PBRM1: variants seen among roughly 807,000 people sequenced by gnomAD.
PBRM1 encodes protein polybromo-1.
In PBRM1, 27 loss-of-function variants were observed where a neutral mutation model predicts 194.5. The observed-to-expected ratio is 0.14, with a 90% CI of 0.10 to 0.19. The LOEUF is 0.19. PBRM1 is among the 10% of genes least tolerant of loss of function. PBRM1 has a pLI of 1.00. For synonymous variants in PBRM1, 655 were observed against 693.2 expected, an observed-to-expected ratio of 0.94 and a Z score of 0.87; for missense variants, 1,466 against 2,077.2, an observed-to-expected ratio of 0.71 and a Z score of 5.72.
intron 19 of PBRM1, 39 bp from the exon 22 acceptor site, chr3:52,586,727 G>A: frequency 1.7e-6 from 1 of 605,106 alleles, no homozygotes; most frequent in East Asian, 3.6e-5. Flanking sequence ...AACTAGTTAG[G>A]TGAATTTTCT....
chr3:52,569,979 T>G (rs1426031511), intron 22 of PBRM1, among the ~76,000 whole-genome samples: 1 of 152,222 alleles, frequency 6.6e-6, no homozygotes, highest in African/African-American at 2.4e-5. Flanking sequence ...TTTCTTTTTT[T>G]GTTTTTTGTT....
At chr3:52,580,385 G>A (rs777580870) in intron 20 of PBRM1, among the ~76,000 whole-genome samples, 1 of 151,878 alleles carries the variant, frequency 6.6e-6, no homozygotes, top group Non-Finnish European at 1.5e-5. Context: ...TTGAGACATA[G>A]TCTCCCTCTG....
At chr3:52,655,364 T>C (rs1370116086) in intron 5 of PBRM1, among the ~76,000 whole-genome samples, 1 of 152,204 alleles carries the variant, frequency 6.6e-6, no homozygotes, top group Non-Finnish European at 1.5e-5. Flanking sequence ...TTGCTTAAAA[T>C]AATGTCTTTA....
upstream of PBRM1, chr3:52,681,864 A>C (rs2097210024): frequency 4.8e-6 from 1 of 209,974 alleles, no homozygotes; most frequent in African/African-American, 2.3e-5. Flanking sequence ...ATAGAAAAGA[A>C]GGGTCAGAAG....
At chr3:52,550,321 GA>G in intron 29 of PBRM1, 99 bp downstream of exon 31, 1 of 461,738 alleles carries the variant, frequency 2.2e-6, no homozygotes, top group Non-Finnish European at 3.7e-6. Context: ...AATTGTATAA[GA>G]AAAAGGGGTG....
intron 17 of PBRM1, among the ~76,000 whole-genome samples, chr3:52,590,482 C>T (rs1258050931): frequency 6.6e-6 from 1 of 151,878 alleles, no homozygotes; most frequent in East Asian, 1.9e-4. Flanking sequence ...AGTTCCAGTA[C>T]AAGCTATCGT....
chr3:52,635,942 C>T (rs1345335198), intron 10 of PBRM1, among the ~76,000 whole-genome samples: 2 of 152,176 alleles, frequency 1.3e-5, no homozygotes, highest in African/African-American at 4.8e-5. Flanking sequence ...TGGCTCACTG[C>T]AACCTCCGCC....
At chr3:52,630,257 T>G in intron 11 of PBRM1, among the ~76,000 whole-genome samples, 1 of 152,032 alleles carries the variant, frequency 6.6e-6, no homozygotes, top group East Asian at 1.9e-4. Context: ...CAGCAGAAGG[T>G]AGCATATGGA....
At chr3:52,567,221 A>T (rs536018837) in intron 22 of PBRM1, among the ~76,000 whole-genome samples, 1 of 152,294 alleles carries the variant, frequency 6.6e-6, no homozygotes, top group African/African-American at 2.4e-5. Flanking sequence ...GGCTTGTATG[A>T]ATGTACTAAG....
intron 2 of PBRM1, among the ~76,000 whole-genome samples, chr3:52,677,373 A>T (rs979182749): frequency 1.3e-5 from 2 of 148,176 alleles, no homozygotes. Context: ...CCTCCCAAGT[A>T]GCTGGGATTA....
intron 13 of PBRM1, among the ~76,000 whole-genome samples, chr3:52,622,457 G>C (rs1360554161): frequency 2.0e-5 from 3 of 152,124 alleles, no homozygotes; most frequent in African/African-American, 7.2e-5. Context: ...GGACATAAAG[G>C]GTCCTGTGCT....
intron 9 of PBRM1, among the ~76,000 whole-genome samples, chr3:52,642,608 C>CAAAA (rs201394004): frequency 3.1e-5 from 3 of 97,518 alleles, no homozygotes; most frequent in South Asian, 4.1e-4. Context: ...AACTTCGTCT[C>CAAAA]AAAAAAAAAA....
intron 7 of PBRM1, 136 bp from the exon 9 acceptor site, chr3:52,644,925 G>T: frequency 2.1e-6 from 1 of 472,094 alleles, no homozygotes; most frequent in Non-Finnish European, 3.8e-6. Flanking sequence ...CCACAAAGCT[G>T]CATCCTCCAA....
intron 5 of PBRM1, among the ~76,000 whole-genome samples, chr3:52,653,678 G>A (rs1368151486): frequency 2.6e-5 from 4 of 151,934 alleles, no homozygotes; most frequent in African/African-American, 4.8e-5. Context: ...TCGGGAGGCC[G>A]AGACGGGCAG....
At chr3:52,586,716 A>C in intron 19 of PBRM1, 28 bp from the exon 22 acceptor site, 1 of 1,278,248 alleles carries the variant, frequency 7.8e-7, no homozygotes, top group Middle Eastern at 2.0e-4. Context: ...CATAAGAATA[A>C]AACTAGTTAG....
At chr3:52,600,818 T>C (rs2093938461) in intron 17 of PBRM1, among the ~76,000 whole-genome samples, 1 of 152,148 alleles carries the variant, frequency 6.6e-6, no homozygotes, top group Admixed American at 6.5e-5. Context: ...TTTGTATTTT[T>C]AGTAGAGACA....
At chr3:52,637,019 G>A (rs1465155018) in intron 10 of PBRM1, among the ~76,000 whole-genome samples, 1 of 152,048 alleles carries the variant, frequency 6.6e-6, no homozygotes, top group Non-Finnish European at 1.5e-5. Flanking sequence ...ACCACATAAA[G>A]CAGTTGAAGG....
At position 52,637,687 on chromosome 3, in the gene PBRM1, G is replaced by A. The variant is rs894115841; in HGVS notation, c.1088-2872C>T. 4.7e-5 allele frequency among the ~76,000 whole-genome samples: 7 copies of A among 150,356 alleles called. No individual in the cohort carries two copies. In the East Asian group the frequency reaches 1.2e-3, roughly 25 times the overall value. On this transcript the variant is annotated intron_variant, in intron 10 of 29. Coordinates refer to ENST00000296302, the Ensembl canonical transcript of PBRM1. ...TCATGCTTGTAATCCTAGCACTTTG[G>A]GAGGCTGAGGCGGGCGGATCATTTG... is the stretch of plus-strand genomic sequence containing the variant.
chr3:52,582,626 C>T (rs1195722320), intron 20 of PBRM1, among the ~76,000 whole-genome samples: 5 of 151,760 alleles, frequency 3.3e-5, no homozygotes, highest in African/African-American at 7.3e-5. Context: ...TGCACCCGAC[C>T]GGATAATTCT....
Sources: allele counts gnomAD v4.1 joint callset (sites outside exome capture counted in the v4.1 genomes callset), GRCh38; gene constraint gnomAD v4.1.1; transcripts MANE v1.5; gene names NCBI Gene and HGNC (gene_info 2026-07-23, HGNC 2026-07-21).